MIPEP: variants seen among roughly 807,000 people sequenced by gnomAD.
MIPEP encodes the protein mitochondrial intermediate peptidase.
In MIPEP, 79 loss-of-function variants were observed where a neutral mutation model predicts 90.3. The observed-to-expected ratio is 0.87, with a 90% CI of 0.73 to 1.05. The LOEUF is 1.05. Ranked by LOEUF, MIPEP falls within the 50% of genes least tolerant of loss-of-function variation. The pLI, the probability that MIPEP is intolerant of heterozygous loss-of-function variation, is 0.00. For missense variants in MIPEP, 940 were observed against 905.6 expected (o/e 1.04, Z -0.49); for synonymous variants, 334 against 315.8 (o/e 1.06, Z -0.61).
At chr13:23,865,817 C>T (rs1401649857) in intron 7 of MIPEP, among the ~76,000 whole-genome samples, 1 of 151,776 alleles carries the variant, frequency 6.6e-6, no homozygotes, top group Non-Finnish European at 1.5e-5. Context: ...ATTACAGGCA[C>T]CCGCCACCGC....
intron 14 of MIPEP, among the ~76,000 whole-genome samples, chr13:23,829,376 A>C (rs77251638): frequency 2.6e-5 from 4 of 152,040 alleles, no homozygotes; most frequent in African/African-American, 9.7e-5. Flanking sequence ...TTGGCTGGGC[A>C]TGGTGGCATG....
intron 18 of MIPEP, among the ~76,000 whole-genome samples, chr13:23,739,160 A>T (rs1471782209): frequency 6.6e-6 from 1 of 152,246 alleles, no homozygotes; most frequent in Non-Finnish European, 1.5e-5. Context: ...GTTCAAAGTT[A>T]TTGAGTACCA....
At position 23,790,637 on chromosome 13, in the gene MIPEP, G is replaced by A. The variant is rs192893342; in HGVS notation, c.1848+15313C>T. 7.6e-4 allele frequency among the ~76,000 whole-genome samples: 115 copies of A among 152,296 alleles called. 2 individuals are homozygous for A. The East Asian group carries it at 0.01, about 14-fold the overall frequency. ...AAGCAGAGAATGCAGCCTGTGGCCCGGAGCCAGGGCACACCATCTGCCTCA... is the reference window on the plus strand; with the variant it reads ...AAGCAGAGAATGCAGCCTGTGGCCCAGAGCCAGGGCACACCATCTGCCTCA... On this transcript the variant is annotated intron_variant, in intron 16 of 18. Transcript: ENST00000382172.
Position 23,870,203 on chromosome 13 carries a change from C to T in MIPEP, c.604-8G>A. On this transcript the variant is annotated splice_region_variant and splice_polypyrimidine_tract_variant and intron_variant, in intron 5 of 18. Transcript: ENST00000382172. Reference sequence around the variant, plus strand: ...GTCCACTGCTCTTTTACGCTGTATGCAGGAGGAGTAAAAGTTATTTAAAGG... The same window carrying T: ...GTCCACTGCTCTTTTACGCTGTATGTAGGAGGAGTAAAAGTTATTTAAAGG... 2 of 1,513,260 alleles carry T rather than the reference C, an allele frequency of 1.3e-6. No individual in the cohort carries two copies. Among genetic ancestry groups the T allele is most frequent in the South Asian group, 1.4e-5 (1 of 72,732 alleles). 93.7% of individuals were successfully genotyped at this position (1,513,260 alleles called of 1,614,324 possible).
intron 16 of MIPEP, among the ~76,000 whole-genome samples, chr13:23,781,328 C>A (rs1236710912): frequency 6.6e-6 from 1 of 152,104 alleles, no homozygotes; most frequent in African/African-American, 2.4e-5. Flanking sequence ...GAATTTTCAA[C>A]CCAGAATTTC....
intron 10 of MIPEP, among the ~76,000 whole-genome samples, chr13:23,844,460 C>T (rs538981938): frequency 1.3e-5 from 2 of 152,100 alleles, no homozygotes; most frequent in African/African-American, 2.4e-5. Flanking sequence ...AAACTGCTGC[C>T]CCCAAAACTG....
chr13:23,802,176 T>G (rs766446705), intron 16 of MIPEP, among the ~76,000 whole-genome samples: 3 of 152,224 alleles, frequency 2.0e-5, no homozygotes, highest in African/African-American at 4.8e-5. Flanking sequence ...TTAGGAGTAT[T>G]GTAATGTGGT....
At chr13:23,850,696 G>C (rs898633515) in intron 10 of MIPEP, among the ~76,000 whole-genome samples, 1 of 152,186 alleles carries the variant, frequency 6.6e-6, no homozygotes, top group Admixed American at 6.5e-5. Context: ...CAGAATTCTC[G>C]CCATAGAGGC....
intron 14 of MIPEP, among the ~76,000 whole-genome samples, chr13:23,812,709 T>C (rs1953188819): frequency 6.6e-6 from 1 of 152,130 alleles, no homozygotes; most frequent in South Asian, 2.1e-4. Context: ...AAACAAAAAA[T>C]GCTACCACTG....
intron 10 of MIPEP, among the ~76,000 whole-genome samples, chr13:23,847,424 G>T (rs769087966): frequency 1.4e-5 from 2 of 147,766 alleles, no homozygotes; most frequent in African/African-American, 5.0e-5. Flanking sequence ...CATGGTAAGC[G>T]CCGTCAAAAA....
chr13:23,802,506 T>A (rs569036751), intron 16 of MIPEP, among the ~76,000 whole-genome samples: 14 of 152,232 alleles, frequency 9.2e-5, no homozygotes, highest in African/African-American at 3.4e-4. Flanking sequence ...AGGCAAAGGT[T>A]GCAGTGAGCC....
At chr13:23,874,167 G>T (rs376595970) in intron 5 of MIPEP, among the ~76,000 whole-genome samples, 17 of 152,180 alleles carry the variant, frequency 1.1e-4, no homozygotes, top group Admixed American at 2.6e-4. Context: ...GCAGGTGAGT[G>T]GGGGAGACTG....
At chr13:23,752,140 T>G (rs1336262913) in intron 18 of MIPEP, among the ~76,000 whole-genome samples, 1 of 152,172 alleles carries the variant, frequency 6.6e-6, no homozygotes, top group East Asian at 1.9e-4. Flanking sequence ...TATAGGGGAT[T>G]AAACTTATCA....
chr13:23,857,733 A>T (rs896006460), intron 10 of MIPEP, among the ~76,000 whole-genome samples: 60 of 152,344 alleles, frequency 3.9e-4, no homozygotes, highest in Admixed American at 3.7e-3. Flanking sequence ...TAAGTGAGTA[A>T]GTGCTTCAAA....
intron 14 of MIPEP, among the ~76,000 whole-genome samples, chr13:23,835,495 T>G (rs1316614195): frequency 5.9e-5 from 9 of 152,208 alleles, no homozygotes; most frequent in African/African-American, 2.2e-4. Context: ...TTTTTTTGAT[T>G]CTAGGTGCTA....
At chr13:23,869,224 T>C in intron 7 of MIPEP, 68 bp downstream of exon 7, 2 of 1,388,566 alleles carry the variant, frequency 1.4e-6, no homozygotes, top group African/African-American at 1.4e-5. Context: ...TTTACAGCTA[T>C]TTAAAATCAA....
At chr13:23,796,352 G>A (rs907802865) in intron 16 of MIPEP, among the ~76,000 whole-genome samples, 1 of 152,268 alleles carries the variant, frequency 6.6e-6, no homozygotes, top group Non-Finnish European at 1.5e-5. Context: ...GGGAGGCAGA[G>A]GTTGCAGTAA....
intron 9 of MIPEP, among the ~76,000 whole-genome samples, chr13:23,860,398 C>G (rs922357011): frequency 5.9e-5 from 9 of 152,124 alleles, no homozygotes; most frequent in African/African-American, 2.2e-4. Flanking sequence ...TCAAAGAAAG[C>G]AAAGCAAGGA....
intron 16 of MIPEP, among the ~76,000 whole-genome samples, chr13:23,791,599 C>G (rs1952898645): frequency 6.6e-6 from 1 of 152,196 alleles, no homozygotes; most frequent in Admixed American, 6.5e-5. Flanking sequence ...AAAATCCCTT[C>G]CCCTTGTCTA....
Sources: allele counts gnomAD v4.1 joint callset (sites outside exome capture counted in the v4.1 genomes callset), GRCh38; gene constraint gnomAD v4.1.1; transcripts MANE v1.5; gene names NCBI Gene and HGNC (gene_info 2026-07-23, HGNC 2026-07-21).